The following VEPH1 variants were observed in gnomAD, a reference collection of about 807,000 sequenced individuals.
The protein encoded by VEPH1 is ventricular zone expressed PH domain containing 1.
A neutral mutation model predicts 85.2 loss-of-function variants in VEPH1; 80 were observed. The observed-to-expected ratio is 0.94, with a 90% CI of 0.78 to 1.13. VEPH1 has a LOEUF of 1.13. VEPH1 is among the 50% of genes most tolerant of loss of function. VEPH1 has a pLI of 0.00. For synonymous variants in VEPH1, 297 were observed against 348.0 expected (o/e 0.85, Z 1.63); for missense variants, 955 against 980.5 (o/e 0.97, Z 0.35).
chr3:157,416,530 T>C (rs1285085283), intron 5 of VEPH1, among the ~76,000 whole-genome samples: 1 of 152,172 alleles, frequency 6.6e-6, no homozygotes, highest in East Asian at 1.9e-4. Context: ...GCAACATACT[T>C]AACCTCATGT....
At chr3:157,304,193 A>G (rs1460598051) in intron 11 of VEPH1, among the ~76,000 whole-genome samples, 1 of 152,008 alleles carries the variant, frequency 6.6e-6, no homozygotes, top group Non-Finnish European at 1.5e-5. Context: ...ACCCAGAATT[A>G]GTGTTTCAGT....
chr3:157,320,818 T>C (rs754677662), intron 9 of VEPH1, among the ~76,000 whole-genome samples: 10 of 152,102 alleles, frequency 6.6e-5, no homozygotes, highest in Non-Finnish European at 1.2e-4. Flanking sequence ...ACAAGAATAT[T>C]TGGTCTTCTT....
intron 9 of VEPH1, among the ~76,000 whole-genome samples, chr3:157,332,494 G>A (rs912188219): frequency 2.6e-5 from 4 of 152,144 alleles, no homozygotes; most frequent in Non-Finnish European, 4.4e-5. Flanking sequence ...CATATAATGA[G>A]TGGCCTTCTG....
chr3:157,285,774 A>G (rs1343147540), intron 12 of VEPH1, among the ~76,000 whole-genome samples: 1 of 152,226 alleles, frequency 6.6e-6, no homozygotes, highest in Non-Finnish European at 1.5e-5. Flanking sequence ...ACCAGAAGGC[A>G]GAATGGTGAA....
intron 9 of VEPH1, among the ~76,000 whole-genome samples, chr3:157,352,693 C>A (rs1012745527): frequency 3.3e-5 from 5 of 152,126 alleles, no homozygotes; most frequent in African/African-American, 1.2e-4. Context: ...AGGCTGATAG[C>A]AACAACAACA....
At chr3:157,316,922 G>T in intron 10 of VEPH1, 140 bp downstream of exon 10, 1 of 825,066 alleles carries the variant, frequency 1.2e-6, no homozygotes, top group Non-Finnish European at 1.7e-6. Flanking sequence ...AAAAACCGAG[G>T]TTAAAGTTAT....
chr3:157,389,652 TAGATA>T (rs980702767), intron 6 of VEPH1, among the ~76,000 whole-genome samples: 3 of 150,770 alleles, frequency 2.0e-5, no homozygotes, highest in Admixed American at 1.3e-4. Context: ...GATAGATAGA[TAGATA>T]GATAGATAGA....
chr3:157,382,014 C>T (rs1221563542), intron 6 of VEPH1, among the ~76,000 whole-genome samples: 1 of 152,182 alleles, frequency 6.6e-6, no homozygotes, highest in African/African-American at 2.4e-5. Context: ...ACTCCACCTG[C>T]ACGGGGCAGG....
chr3:157,431,363 A>G (rs1733136500), intron 4 of VEPH1, among the ~76,000 whole-genome samples: 2 of 152,096 alleles, frequency 1.3e-5, no homozygotes, highest in African/African-American at 4.8e-5. Context: ...CAGCTTTTAG[A>G]GGCTGCCTGA....
chr3:157,452,999 G>C (rs1175476167), intron 4 of VEPH1, among the ~76,000 whole-genome samples: 3 of 152,154 alleles, frequency 2.0e-5, no homozygotes, highest in African/African-American at 7.2e-5. Flanking sequence ...CTGACCAACT[G>C]AAGTACAGTA....
chr3:157,370,887 A>G (rs1031280075), intron 7 of VEPH1, among the ~76,000 whole-genome samples: 1 of 152,232 alleles, frequency 6.6e-6, no homozygotes, highest in African/African-American at 2.4e-5. Context: ...TTTATTAGTG[A>G]TGCTATAAAA....
At position 157,460,243 on chromosome 3, in the gene VEPH1, G is replaced by T. The variant is rs1158998901; in HGVS notation, c.467C>A (p.Ala156Glu). The T allele has an allele frequency of 1.9e-6, 3 of 1,614,024 alleles. No individual in the cohort carries two copies. The highest frequency in any genetic ancestry group is 2.5e-6 in the Non-Finnish European group (3 of 1,180,034). The change falls in exon 4 of 14, where the codon GCA (alanine) becomes GAA (glutamate). Residue 156 changes from alanine to glutamate, a missense_variant. By Grantham distance (107) the Ala-to-Glu change is moderately radical. Transcript: ENST00000362010. ...RNMSNYLSLA[A>E]ITKADLLADH... Reference sequence around the variant, plus strand: ...AGCCAGGAGATCTGCCTTGGTAATTGCAGCCAGAGACAGGTAGTTAGACAT... The same window carrying T: ...AGCCAGGAGATCTGCCTTGGTAATTTCAGCCAGAGACAGGTAGTTAGACAT...
intron 11 of VEPH1, among the ~76,000 whole-genome samples, chr3:157,299,875 C>A (rs1481690766): frequency 1.3e-5 from 2 of 152,162 alleles, no homozygotes; most frequent in Admixed American, 1.3e-4. Context: ...ATAGTACCAG[C>A]TACTGTTTAT....
intron 7 of VEPH1, among the ~76,000 whole-genome samples, chr3:157,371,178 G>A (rs1255700808): frequency 6.6e-6 from 1 of 152,184 alleles, no homozygotes; most frequent in Non-Finnish European, 1.5e-5. Context: ...TCTTACTGCA[G>A]TATCTTAAAC....
intron 4 of VEPH1, chr3:157,442,620 T>C (rs770899550): frequency 3.1e-6 from 5 of 1,614,102 alleles, no homozygotes; most frequent in Non-Finnish European, 4.2e-6. Context: ...AGCCATGGTT[T>C]CCCTGGGAAG....
chr3:157,345,897 G>A (rs1462540524), intron 9 of VEPH1, among the ~76,000 whole-genome samples: 1 of 152,142 alleles, frequency 6.6e-6, no homozygotes, highest in African/African-American at 2.4e-5. Flanking sequence ...GGATGAAGCT[G>A]GAAACCATCA....
Position 157,467,673 on chromosome 3 carries a change from T to C in VEPH1, c.354+2641A>G, listed in dbSNP as rs185502984. 5.9e-5 allele frequency among the ~76,000 whole-genome samples: 9 copies of C among 152,346 alleles called. No homozygotes were observed. The East Asian group carries it at 1.7e-3, about 29-fold the overall frequency. ...AGTTTGCCTTTAGGCCTTCAGGCTTTCCATTTTAGTGGCTTCTGCCTCCTT... is the reference window on the plus strand; with the variant it reads ...AGTTTGCCTTTAGGCCTTCAGGCTTCCCATTTTAGTGGCTTCTGCCTCCTT... On this transcript the variant is annotated intron_variant, in intron 3 of 13. Transcript: ENST00000362010.
chr3:157,495,468 T>C lies in VEPH1; in HGVS notation c.-119A>G, dbSNP rs545742462. 2.7e-6 allele frequency: 4 copies of C among 1,505,428 alleles called. No individual in the cohort carries two copies. Among genetic ancestry groups the C allele is most frequent in the African/African-American group, 1.4e-5 (1 of 71,552 alleles). The allele number at this position is 1,505,428 out of a possible 1,614,324, so 93.3% of individuals were successfully genotyped here. On this transcript the variant is annotated 5_prime_UTR_variant, in exon 2 of 14. The change abolishes the stop of an existing upstream ORF in the 5' untranslated region. Coordinates refer to ENST00000362010, the MANE Select transcript of VEPH1 (RefSeq NM_001167912.2). ...GGTATACTTCTTATTCCATGAAAGG[T>C]CATTTTTCTCCAGACTTTGAGGTCT... is the stretch of plus-strand genomic sequence containing the variant.
chr3:157,500,018 A>C (rs1207625590), intron 1 of VEPH1, among the ~76,000 whole-genome samples: 1 of 152,232 alleles, frequency 6.6e-6, no homozygotes, highest in Non-Finnish European at 1.5e-5. Flanking sequence ...AGTATGCGGG[A>C]AGTTGCTAAT....
Sources: allele counts gnomAD v4.1 joint callset (sites outside exome capture counted in the v4.1 genomes callset), GRCh38; gene constraint gnomAD v4.1.1; transcripts MANE v1.5; gene names NCBI Gene and HGNC (gene_info 2026-07-23, HGNC 2026-07-21).